The following NRXN3 variants were observed in gnomAD, a reference collection of about 807,000 sequenced individuals.
The protein encoded by NRXN3 is neurexin III.
A neutral mutation model predicts 137.6 loss-of-function variants in NRXN3; 32 were observed. That is an observed-to-expected ratio of 0.23 (90% CI 0.18 to 0.31). The LOEUF (loss-of-function observed/expected upper bound fraction) is 0.31. Among genes scored for constraint, NRXN3 ranks in the 10% least tolerant of loss-of-function variants. The pLI, the probability that NRXN3 is intolerant of heterozygous loss-of-function variation, is 1.00. For synonymous variants in NRXN3, 798 were observed against 784.5 expected (o/e 1.02, Z -0.29); for missense variants, 1,574 against 2,062.5 (o/e 0.76, Z 4.59).
intron 11 of NRXN3, among the ~76,000 whole-genome samples, chr14:78,963,702 G>C (rs2099412421): frequency 6.6e-6 from 1 of 152,090 alleles, no homozygotes; most frequent in Non-Finnish European, 1.5e-5. Flanking sequence ...TATACTAAGA[G>C]AGTGATTTGT....
At chr14:78,514,173 T>C (rs1274244740) in intron 4 of NRXN3, among the ~76,000 whole-genome samples, 4 of 152,156 alleles carry the variant, frequency 2.6e-5, no homozygotes, top group Non-Finnish European at 5.9e-5. Context: ...AGGTTCTCTC[T>C]AGTAAACAGT....
intron 15 of NRXN3, among the ~76,000 whole-genome samples, chr14:79,095,503 C>T (rs78846139): frequency 0.028 from 4,205 of 152,154 alleles, 198 homozygotes; most frequent in African/African-American, 0.096. Flanking sequence ...CACGTGCTTG[C>T]CTTCATACAT....
chr14:78,297,939 C>A, intron 4 of NRXN3, 79 bp downstream of exon 4: 2 of 1,504,978 alleles, frequency 1.3e-6, no homozygotes, highest in Non-Finnish European at 1.8e-6. Context: ...AGAGCCTCAT[C>A]GTCACTGGCA....
chr14:79,636,502 G>C (rs1428991689), intron 16 of NRXN3, among the ~76,000 whole-genome samples: 1 of 152,002 alleles, frequency 6.6e-6, no homozygotes, highest in Non-Finnish European at 1.5e-5. Flanking sequence ...TGTTTAGGTT[G>C]GCCTCTGATG....
chr14:78,944,188 G>C (rs2099360823), intron 10 of NRXN3, among the ~76,000 whole-genome samples: 1 of 152,120 alleles, frequency 6.6e-6, no homozygotes, highest in African/African-American at 2.4e-5. Context: ...AAAATTATCT[G>C]AGAATGATCT....
intron 18 of NRXN3, among the ~76,000 whole-genome samples, chr14:79,692,767 C>G (rs909970681): frequency 9.2e-5 from 14 of 151,586 alleles, no homozygotes; most frequent in Non-Finnish European, 2.1e-4. Context: ...GTAAGGGGAG[C>G]ATTTTTTTTT....
chr14:78,596,400 G>T (rs902468959), intron 4 of NRXN3, among the ~76,000 whole-genome samples: 3 of 152,150 alleles, frequency 2.0e-5, no homozygotes, highest in Non-Finnish European at 4.4e-5. Context: ...AGTGGGAGGT[G>T]CTTGTTAACC....
chr14:78,528,283 TG>T (rs2096409479), intron 4 of NRXN3, among the ~76,000 whole-genome samples: 1 of 152,204 alleles, frequency 6.6e-6, no homozygotes, highest in South Asian at 2.1e-4. Context: ...TCAGTGGTTT[TG>T]CCTTTCAAGA....
chr14:79,347,377 AG>A (rs1385806700), intron 15 of NRXN3, among the ~76,000 whole-genome samples: 1 of 152,006 alleles, frequency 6.6e-6, no homozygotes, highest in Non-Finnish European at 1.5e-5. Flanking sequence ...ACTTTCATAG[AG>A]TTTTCAGTAA....
At chr14:79,499,166 C>A (rs2096795840) in intron 16 of NRXN3, among the ~76,000 whole-genome samples, 1 of 152,182 alleles carries the variant, frequency 6.6e-6, no homozygotes. Flanking sequence ...CCAATCCAAT[C>A]TAAGTGCATT....
At position 78,423,593 on chromosome 14, in the gene NRXN3, T is replaced by C. The variant is rs530259546; in HGVS notation, c.757+125733T>C. On this transcript the variant is annotated intron_variant, in intron 4 of 20. Transcript: ENST00000335750. ...GAGTGGGGAGACAGAAGTATGTTAA[T>C]TAAGACTAAAGGCCCACAAACTCTT... Among the ~76,000 whole-genome samples the C allele has an allele frequency of 8.5e-5, 13 of 152,336 alleles. No individual in the cohort carries two copies. In the South Asian group the frequency reaches 2.7e-3, roughly 32 times the overall value.
chr14:79,183,279 A>C (rs1256392282), intron 15 of NRXN3, among the ~76,000 whole-genome samples: 2 of 152,148 alleles, frequency 1.3e-5, no homozygotes, highest in Non-Finnish European at 2.9e-5. Flanking sequence ...TCAGTTTTTC[A>C]TGTGTTATAG....
chr14:78,508,437 G>A (rs1035106756), intron 4 of NRXN3, among the ~76,000 whole-genome samples: 1 of 152,098 alleles, frequency 6.6e-6, no homozygotes, highest in Non-Finnish European at 1.5e-5. Flanking sequence ...GGCTTTCCTG[G>A]TGAGATGGGT....
chr14:78,234,531 C>G (rs999594868), intron 1 of NRXN3, among the ~76,000 whole-genome samples: 4 of 152,172 alleles, frequency 2.6e-5, no homozygotes, highest in African/African-American at 9.7e-5. Context: ...AAGTCTGGCT[C>G]TAGAGCCCAT....
chr14:79,861,125 C>A lies in NRXN3; in HGVS notation c.4094-217C>A. 6.7e-7 allele frequency: 1 copy of A among 1,495,052 alleles called. No homozygotes were observed. The highest frequency in any genetic ancestry group is 8.9e-7 in the Non-Finnish European group (1 of 1,126,296). 92.6% of individuals were successfully genotyped at this position (1,495,052 alleles called of 1,614,324 possible). A position where few individuals can be genotyped will look rare whatever the true frequency, so the allele number is the denominator to read the frequency against. On this transcript the variant is annotated intron_variant, in intron 20 of 20. Transcript: ENST00000335750. The surrounding 1 kb of genome is among the most constrained non-coding windows in gnomAD (Gnocchi z 5.4). Reference sequence around the variant, plus strand: ...TCGTGCACCTTCCATTACACTCCCCCCTACCTTTCGCCCCCTCCTCACCAT... The same window carrying A: ...TCGTGCACCTTCCATTACACTCCCCACTACCTTTCGCCCCCTCCTCACCAT...
chr14:78,709,749 C>A (rs2152832853), intron 7 of NRXN3, 94 bp downstream of exon 7: 1 of 1,132,086 alleles, frequency 8.8e-7, no homozygotes, highest in Non-Finnish European at 1.3e-6. Context: ...TTCACCCTTG[C>A]ATGCTTGTTG....
intron 15 of NRXN3, among the ~76,000 whole-genome samples, chr14:79,205,457 C>T (rs2066654550): frequency 6.6e-6 from 1 of 152,070 alleles, no homozygotes; most frequent in Non-Finnish European, 1.5e-5. Context: ...GAACTGCTGC[C>T]TAAAAAGTTT....
At chr14:79,109,547 A>G (rs1204265533) in intron 15 of NRXN3, among the ~76,000 whole-genome samples, 1 of 152,020 alleles carries the variant, frequency 6.6e-6, no homozygotes, top group Non-Finnish European at 1.5e-5. Context: ...ATTTAAACAG[A>G]TTTTTTCCAG....
intron 20 of NRXN3, among the ~76,000 whole-genome samples, chr14:79,814,398 T>C (rs1412276869): frequency 6.6e-6 from 1 of 152,238 alleles, no homozygotes; most frequent in Admixed American, 6.5e-5. Flanking sequence ...TCTCTACTTT[T>C]AACCTTACCC....
Sources: gnomAD v4.1 joint callset for allele counts (sites outside exome capture counted in the v4.1 genomes callset) on GRCh38, gnomAD v4.1.1 for gene constraint, Gnocchi (gnomAD v3.1) non-coding constraint, MANE v1.5 for transcripts, NCBI Gene and HGNC (gene_info 2026-07-23, HGNC 2026-07-21) for gene names.